Variants in UNKL observed in about 807,000 individuals in gnomAD.
UNKL encodes the protein unk like zinc finger.
In UNKL, 60 loss-of-function variants were observed where a neutral mutation model predicts 78.0. The observed-to-expected ratio is 0.77, with a 90% CI of 0.63 to 0.95. The LOEUF (loss-of-function observed/expected upper bound fraction) is 0.95. Ranked by LOEUF, UNKL falls within the 40% of genes least tolerant of loss-of-function variation. The pLI is 0.00. For missense variants in UNKL, 1,159 were observed against 1,045.7 expected, an observed-to-expected ratio of 1.11 and a Z score of -1.49; for synonymous variants, 608 against 474.8, an observed-to-expected ratio of 1.28 and a Z score of -3.65.
intron 8 of UNKL, among the ~76,000 whole-genome samples, chr16:1,391,625 T>C (rs1379440499): frequency 6.6e-6 from 1 of 151,920 alleles, no homozygotes; most frequent in Non-Finnish European, 1.5e-5. Flanking sequence ...GAAGGTCTCA[T>C]GAAACAGAAG....
chr16:1,398,776 G>A lies in UNKL; in HGVS notation c.734+598C>T, dbSNP rs569157408. The A allele has an allele frequency of 2.0e-6, 3 of 1,537,108 alleles. No homozygotes were observed. In the African/African-American group the frequency reaches 4.1e-5, roughly 21 times the overall value. ...CGGGCTGGAGCAAGGAGGAGAAAGGGGCTTCAGAGGCAAGCAGGCTGCGAG... is the reference window on the plus strand; with the variant it reads ...CGGGCTGGAGCAAGGAGGAGAAAGGAGCTTCAGAGGCAAGCAGGCTGCGAG... On this transcript the variant is annotated intron_variant, in intron 5 of 14. Coordinates refer to ENST00000389221, the MANE Select transcript of UNKL (RefSeq NM_001372107.1).
chr16:1,390,785 T>G (rs2037014906), intron 8 of UNKL, 91 bp from the exon 9 acceptor site: 1 of 1,392,582 alleles, frequency 7.2e-7, no homozygotes, highest in African/African-American at 1.4e-5. Context: ...GTGGCAGCAC[T>G]TTGGGAGGCT....
At chr16:1,367,503 TCCCTCCCTCCCC>T (rs1399476303) in intron 13 of UNKL, among the ~76,000 whole-genome samples, 141 bp downstream of exon 13, 1 of 7,464 alleles carries the variant, frequency 1.3e-4, no homozygotes, top group African/African-American at 5.0e-4. Context: ...CCTCCCTCCC[TCCCTCCCTCCCC>T]CTCCCGTCTC....
At position 1,392,897 on chromosome 16, in the gene UNKL, C is replaced by T. The variant is rs774162667; in HGVS notation, c.1017G>A (p.Pro339=). 1.1e-4 allele frequency: 178 copies of T among 1,550,470 alleles called. No individual in the cohort carries two copies. Among genetic ancestry groups the T allele is most frequent in the South Asian group, 2.1e-4 (18 of 84,070 alleles). Residue 339 remains proline (P), a synonymous_variant, in exon 8 of 15, where the codon CCG becomes CCA. Coordinates refer to ENST00000389221, the MANE Select transcript of UNKL (RefSeq NM_001372107.1). ...TSPSSTGSGQ[P]GNAKRRDSPA... ...GGGAAGGCCGTTCACTTACATTTCC[C>T]GGCTGGCCGCTGCCCGTGGAGGAAG...
chr16:1,370,730 A>G (rs2035743219), intron 11 of UNKL, among the ~76,000 whole-genome samples: 1 of 152,220 alleles, frequency 6.6e-6, no homozygotes, highest in African/African-American at 2.4e-5. Context: ...CTTTCTTTTA[A>G]AAGAAAGAAA....
intron 11 of UNKL, 114 bp from the exon 12 acceptor site, chr16:1,370,471 G>A (rs1043716259): frequency 3.5e-6 from 5 of 1,440,516 alleles, no homozygotes; most frequent in Non-Finnish European, 4.6e-6. Context: ...GTGGGGATAT[G>A]GGGGGTGGGA....
chr16:1,414,677 C>G lies in UNKL; in HGVS notation c.15G>C (p.Ser5=), dbSNP rs754105688. MPSV[S]KAAAAALSGS... ...CGCTCAGCGCCGCTGCCGCCGCTTT[C>G]GAAACCGACGGCATTTTCAGTCAAA... The change falls in exon 1 of 15, where the codon TCG becomes TCC. Residue 5 remains serine (S), a synonymous_variant. Coordinates refer to ENST00000389221, the MANE Select transcript of UNKL (RefSeq NM_001372107.1). 2.6e-6 allele frequency: 3 copies of G among 1,149,748 alleles called. No homozygotes were observed. Among genetic ancestry groups the G allele is most frequent in the Non-Finnish European group, 3.3e-6 (3 of 922,538 alleles). 71.2% of individuals were successfully genotyped at this position (1,149,748 alleles called of 1,614,324 possible). A position where few individuals can be genotyped will look rare whatever the true frequency, so the allele number is the denominator to read the frequency against.
chr16:1,398,214 C>T, intron 5 of UNKL: 2 of 700,994 alleles, frequency 2.9e-6, no homozygotes, highest in Non-Finnish European at 3.5e-6. Flanking sequence ...TATGTTCCTA[C>T]TGCAGTGAGC....
At chr16:1,400,848 C>T (rs949944224) in intron 4 of UNKL, among the ~76,000 whole-genome samples, 1 of 152,086 alleles carries the variant, frequency 6.6e-6, no homozygotes, top group Non-Finnish European at 1.5e-5. Flanking sequence ...CCACCACAAC[C>T]GGCTAATTTT....
At chr16:1,391,828 C>A (rs1596724389) in intron 8 of UNKL, among the ~76,000 whole-genome samples, 1 of 152,186 alleles carries the variant, frequency 6.6e-6, no homozygotes, top group Non-Finnish European at 1.5e-5. Context: ...GCTGGGATTA[C>A]AGGCGCACGC....
rs748154138 is a variant in UNKL at position 1,367,302 on chromosome 16, G to A, written c.1836C>T (p.Ala612=). The change falls in exon 14 of 15, where the codon GCC becomes GCT. Residue 612 remains alanine, a synonymous_variant. Transcript: ENST00000389221. ...QREAQEAKER[A]RVADSDRQLA... is the part of the protein sequence containing the mutation. ...GCTGCCGGTCGCTATCGGCCACACGGGCACGCTCCTTGGCCTCCTGCGCCT... is the reference window on the plus strand; with the variant it reads ...GCTGCCGGTCGCTATCGGCCACACGAGCACGCTCCTTGGCCTCCTGCGCCT... 2.2e-5 allele frequency: 35 copies of A among 1,556,480 alleles called. No homozygotes were observed. Among genetic ancestry groups the A allele is most frequent in the Non-Finnish European group, 2.3e-5 (27 of 1,155,262 alleles).
rs150018967 is a variant in UNKL at position 1,382,419 on chromosome 16, G to A, written c.1264+2789C>T. ...CAGCCCCATACTCCCAGCCAGTGAGGACGAAACAAACGCAAACACTGCTTG... is the reference window on the plus strand; with the variant it reads ...CAGCCCCATACTCCCAGCCAGTGAGAACGAAACAAACGCAAACACTGCTTG... On this transcript the variant is annotated intron_variant, in intron 10 of 14. Transcript: ENST00000389221. 4.1e-3 allele frequency among the ~76,000 whole-genome samples: 629 copies of A among 152,316 alleles called. 3 individuals carry two copies. The highest frequency in any genetic ancestry group is 0.014 in the African/African-American group (591 of 41,566).
intron 10 of UNKL, among the ~76,000 whole-genome samples, chr16:1,378,738 T>C (rs1361950738): frequency 6.6e-6 from 1 of 151,888 alleles, no homozygotes; most frequent in African/African-American, 2.4e-5. Context: ...CCCGAGAGAC[T>C]CCGGCCCCGC....
At chr16:1,411,655 T>C (rs888939886) in intron 2 of UNKL, among the ~76,000 whole-genome samples, 12 of 151,986 alleles carry the variant, frequency 7.9e-5, no homozygotes, top group African/African-American at 2.9e-4. Context: ...AGAAATCCCG[T>C]CTCTACTAAA....
At chr16:1,375,156 C>T (rs975708898) in intron 10 of UNKL, among the ~76,000 whole-genome samples, 3 of 152,218 alleles carry the variant, frequency 2.0e-5, no homozygotes, top group Non-Finnish European at 4.4e-5. Context: ...GGAGTATCCT[C>T]GTGCCGCGGT....
At chr16:1,367,894 C>T (rs1237826830) in intron 12 of UNKL, 36 bp from the exon 13 acceptor site, 3 of 1,518,010 alleles carry the variant, frequency 2.0e-6, no homozygotes, top group Middle Eastern at 1.9e-4. Context: ...CCCAGCCCTG[C>T]TGTGCTCGCG....
chr16:1,403,449 C>CACGTGCGTCTGTCTCGTGGATGCAGG lies in UNKL; in HGVS notation c.288-106_288-105insCCTGCATCCACGAGACAGACGCACGT. 7.7e-7 allele frequency: 1 copy of CACGTGCGTCTGTCTCGTGGATGCAGG among 1,293,128 alleles called. No homozygotes were observed. The allele number at this position is 1,293,128 out of a possible 1,614,324, so 80.1% of individuals were successfully genotyped here. ...CAGCACGTGGCAAGCAGTGAATTCC[C>CACGTGCGTCTGTCTCGTGGATGCAGG]TTCCCTTCTTCCAGATTCCTGTTCT... On this transcript the variant is annotated intron_variant, in intron 2 of 14. Transcript: ENST00000389221. The surrounding 1 kb of genome is among the most constrained non-coding windows in gnomAD (Gnocchi z 4.8).
rs1011870939 is a variant in UNKL at position 1,399,262 on chromosome 16, G to A, written c.734+112C>T. 3 of 1,413,054 alleles carry A rather than the reference G, an allele frequency of 2.1e-6. No individual in the cohort carries two copies. Among genetic ancestry groups the A allele is most frequent in the East Asian group, 5.1e-5 (2 of 38,962 alleles). 87.5% of individuals were successfully genotyped at this position (1,413,054 alleles called of 1,614,324 possible). A position where few individuals can be genotyped will look rare whatever the true frequency, so the allele number is the denominator to read the frequency against. ...GATGCCCTCCCCTCCCGGGGATGAT[G>A]GTGCCACAAGGGCAGCCCTCCCATT... On this transcript the variant is annotated intron_variant, in intron 5 of 14. Coordinates refer to ENST00000389221, the MANE Select transcript of UNKL (RefSeq NM_001372107.1). This position sits in a 1 kb window ranked among gnomAD's most constrained non-coding sequence, Gnocchi z 5.8.
At chr16:1,406,211 A>G (rs1028813769) in intron 2 of UNKL, 2 of 292,696 alleles carry the variant, frequency 6.8e-6, no homozygotes, top group Non-Finnish European at 1.3e-5. Flanking sequence ...GCCGGGCTAT[A>G]TTGCTAATTT....
Sources: gnomAD v4.1 joint callset for allele counts (sites outside exome capture counted in the v4.1 genomes callset) on GRCh38, gnomAD v4.1.1 for gene constraint, Gnocchi (gnomAD v3.1) non-coding constraint, MANE v1.5 for transcripts, NCBI Gene and HGNC (gene_info 2026-07-23, HGNC 2026-07-21) for gene names.